Variants in IGSF11 observed in about 807,000 individuals in gnomAD.
The protein encoded by IGSF11 is immunoglobulin superfamily member 11, also known as CXADR like 1.
In IGSF11, 22 loss-of-function variants were observed where a neutral mutation model predicts 41.0. The ratio of observed to expected loss-of-function variants is 0.54; its 90% CI spans 0.38 to 0.77. The LOEUF (loss-of-function observed/expected upper bound fraction) is 0.77, where lower values mean the gene tolerates loss of function less well. Among genes scored for constraint, IGSF11 ranks in the 30% least tolerant of loss-of-function variants. IGSF11 has a pLI of 0.00. For missense variants in IGSF11, 444 were observed against 530.8 expected (o/e 0.84, Z 1.61); for synonymous variants, 219 against 201.3 (o/e 1.09, Z -0.74).
chr3:118,923,208 C>T (rs1352138605), intron 4 of IGSF11, among the ~76,000 whole-genome samples: 1 of 152,086 alleles, frequency 6.6e-6, no homozygotes, highest in Non-Finnish European at 1.5e-5. Flanking sequence ...ATAATAAATC[C>T]ACTTCATGAA....
chr3:119,049,548 A>G (rs976966817), intron 1 of IGSF11, among the ~76,000 whole-genome samples: 1 of 151,548 alleles, frequency 6.6e-6, no homozygotes, highest in African/African-American at 2.4e-5. Flanking sequence ...AGGAAGAATC[A>G]ATATCGTGAA....
At chr3:118,914,447 G>A (rs1410044689) in intron 4 of IGSF11, among the ~76,000 whole-genome samples, 1 of 151,518 alleles carries the variant, frequency 6.6e-6, no homozygotes, top group Non-Finnish European at 1.5e-5. Flanking sequence ...CACCTGGGAA[G>A]CGCAAGGGGT....
intron 1 of IGSF11, among the ~76,000 whole-genome samples, chr3:118,993,984 T>C (rs548416959): frequency 1.3e-5 from 2 of 152,204 alleles, no homozygotes; most frequent in East Asian, 1.9e-4. Flanking sequence ...AACAATCAAA[T>C]TGTACACTGT....
At chr3:119,106,638 C>T (rs986791782), upstream of IGSF11, among the ~76,000 whole-genome samples, 4 of 152,042 alleles carry the variant, frequency 2.6e-5, no homozygotes, top group African/African-American at 7.2e-5. Flanking sequence ...GCACAACGTG[C>T]GGGTTAGTTA....
intron 1 of IGSF11, among the ~76,000 whole-genome samples, chr3:118,931,503 C>A (rs954814376): frequency 2.6e-5 from 4 of 152,200 alleles, no homozygotes; most frequent in Admixed American, 1.3e-4. Context: ...ATACATCTTA[C>A]AACATGCACG....
At chr3:119,091,549 T>G (rs1373756636) in intron 1 of IGSF11, among the ~76,000 whole-genome samples, 1 of 152,192 alleles carries the variant, frequency 6.6e-6, no homozygotes, top group Non-Finnish European at 1.5e-5. Flanking sequence ...ATAATATCCT[T>G]TGCAGCAACA....
chr3:118,974,007 T>C (rs1369558081), intron 1 of IGSF11, among the ~76,000 whole-genome samples: 1 of 152,082 alleles, frequency 6.6e-6, no homozygotes, highest in Non-Finnish European at 1.5e-5. Context: ...TGGGGCTTAA[T>C]GCCTAGGTGA....
intron 1 of IGSF11, among the ~76,000 whole-genome samples, chr3:118,977,031 T>C (rs1300258589): frequency 6.6e-6 from 1 of 152,180 alleles, no homozygotes; most frequent in African/African-American, 2.4e-5. Context: ...GAAATTGATA[T>C]GTGAAAAAAT....
At chr3:118,949,345 G>C (rs1360823978) in intron 1 of IGSF11, 1 of 133,360 alleles carries the variant, frequency 7.5e-6, no homozygotes, top group Non-Finnish European at 1.6e-5. Flanking sequence ...AAAAAAAAAA[G>C]TTATACTCTG....
chr3:118,964,006 A>G (rs1166892771), intron 1 of IGSF11, among the ~76,000 whole-genome samples: 2 of 152,172 alleles, frequency 1.3e-5, no homozygotes, highest in Non-Finnish European at 2.9e-5. Flanking sequence ...TATGACAGCC[A>G]GAAAGATCCT....
intron 1 of IGSF11, among the ~76,000 whole-genome samples, chr3:118,991,548 T>C (rs1239306820): frequency 1.3e-5 from 2 of 152,202 alleles, no homozygotes; most frequent in Non-Finnish European, 2.9e-5. Context: ...GTATACAAAA[T>C]TAAATATTAA....
intron 1 of IGSF11, among the ~76,000 whole-genome samples, chr3:119,142,078 A>T (rs1177919287): frequency 2.0e-5 from 3 of 152,106 alleles, no homozygotes; most frequent in Non-Finnish European, 2.9e-5. Flanking sequence ...AATCAAAACC[A>T]TCCTGACTAA....
chr3:119,000,477 C>G (rs1265089183), intron 1 of IGSF11, among the ~76,000 whole-genome samples: 2 of 151,702 alleles, frequency 1.3e-5, no homozygotes, highest in Non-Finnish European at 2.9e-5. Flanking sequence ...AATGGCAACT[C>G]TGTCCTTCCA....
At chr3:118,909,625 A>G (rs1940027266) in intron 4 of IGSF11, among the ~76,000 whole-genome samples, 1 of 152,374 alleles carries the variant, frequency 6.6e-6, no homozygotes. Flanking sequence ...ACCTGTTCCC[A>G]TTAATAGAAT....
chr3:119,051,876 A>G (rs1293336072), intron 1 of IGSF11, among the ~76,000 whole-genome samples: 3 of 152,202 alleles, frequency 2.0e-5, no homozygotes, highest in African/African-American at 7.2e-5. Flanking sequence ...GTTCCAAATG[A>G]TCTTTGGATC....
At chr3:118,950,765 C>T (rs1425268643) in intron 1 of IGSF11, among the ~76,000 whole-genome samples, 20 of 152,026 alleles carry the variant, frequency 1.3e-4, no homozygotes. Flanking sequence ...TACTCTGTTC[C>T]CCTATGGAAT....
At chr3:119,143,515 T>C (rs1283204778) in intron 1 of IGSF11, among the ~76,000 whole-genome samples, 1 of 151,820 alleles carries the variant, frequency 6.6e-6, no homozygotes, top group East Asian at 1.9e-4. Flanking sequence ...TGATACACTA[T>C]AAAAAAAATC....
intron 1 of IGSF11, among the ~76,000 whole-genome samples, chr3:119,003,605 T>C (rs1410760119): frequency 6.6e-6 from 1 of 151,496 alleles, no homozygotes; most frequent in Non-Finnish European, 1.5e-5. Flanking sequence ...GGGTTTGTTA[T>C]AGATAGCTCT....
At chr3:119,146,009 G>A (rs559980907) in exon 1 of IGSF11, 8 of 594,166 alleles carry the variant, frequency 1.3e-5, no homozygotes, top group African/African-American at 1.1e-4. Flanking sequence ...CACACTGCAG[G>A]GTCAGCTGAC....
Sources: gnomAD v4.1 joint callset for allele counts (sites outside exome capture counted in the v4.1 genomes callset) on GRCh38, gnomAD v4.1.1 for gene constraint, MANE v1.5 for transcripts, NCBI Gene and HGNC (gene_info 2026-07-23, HGNC 2026-07-21) for gene names.